DGKH: variants seen among roughly 807,000 people sequenced by gnomAD.
DGKH encodes diacylglycerol kinase eta, also known as DAG kinase eta.
A neutral mutation model predicts 159.3 loss-of-function variants in DGKH; 90 were observed. That is an observed-to-expected ratio of 0.57 (90% CI 0.48 to 0.67). The LOEUF (loss-of-function observed/expected upper bound fraction) is 0.67, where lower values mean the gene tolerates loss of function less well. Among genes scored for constraint, DGKH ranks in the 30% least tolerant of loss-of-function variants. The probability of loss-of-function intolerance (pLI) is 0.00; values close to 1 mark genes in which losing one functional copy is unlikely to be tolerated. For synonymous variants in DGKH, 536 were observed against 553.8 expected (o/e 0.97, Z 0.45); for missense variants, 1,181 against 1,506.1 (o/e 0.78, Z 3.57).
chr13:42,041,482 T>A (rs903351671), intron 1 of DGKH, among the ~76,000 whole-genome samples: 1 of 152,214 alleles, frequency 6.6e-6, no homozygotes, highest in African/African-American at 2.4e-5. Context: ...CTGACTTCGC[T>A]TTCGCCTGGG....
chr13:42,072,550 A>G (rs1282032556), intron 1 of DGKH, among the ~76,000 whole-genome samples: 1 of 152,192 alleles, frequency 6.6e-6, no homozygotes, highest in Non-Finnish European at 1.5e-5. Context: ...CAAGAAAAAA[A>G]ATGTTTACCT....
intron 18 of DGKH, among the ~76,000 whole-genome samples, 162 bp from the exon 19 acceptor site, chr13:42,199,404 G>A (rs1415914772): frequency 1.3e-5 from 2 of 152,094 alleles, no homozygotes. Context: ...CATGTCCTGT[G>A]GTTGTACACA....
chr13:42,129,584 T>C lies in DGKH; in HGVS notation c.336T>C (p.Asp112=), dbSNP rs1426531933. Residue 112 remains aspartate (D), a synonymous_variant, in exon 3 of 30, where the codon GAT becomes GAC. Coordinates refer to ENST00000337343, the MANE Select transcript of DGKH (RefSeq NM_178009.5). ...TATTTGATGAAGTTGACCTCTCAGA[T>C]GCTAGTGTAGCTGAAGCAAGCACGA... ...SLIFDEVDLS[D]ASVAEASTKN... 1.2e-6 allele frequency: 2 copies of C among 1,612,986 alleles called. No individual in the cohort carries two copies. The highest frequency in any genetic ancestry group is 2.7e-5 in the African/African-American group (2 of 74,920).
At chr13:42,255,068 GC>G (rs1958648221) in intron 30 of DGKH, among the ~76,000 whole-genome samples, 1 of 151,008 alleles carries the variant, frequency 6.6e-6, no homozygotes, top group African/African-American at 2.4e-5. Context: ...GTTTCTTTTA[GC>G]TTTTTTACTG....
intron 1 of DGKH, among the ~76,000 whole-genome samples, chr13:42,078,778 T>G (rs899536535): frequency 6.6e-6 from 1 of 152,148 alleles, no homozygotes; most frequent in Non-Finnish European, 1.5e-5. Context: ...TATAGACAGA[T>G]AGACAAAAAT....
intron 3 of DGKH, chr13:42,140,904 T>C (rs188028288): frequency 6.6e-6 from 1 of 151,800 alleles, no homozygotes; most frequent in African/African-American, 2.4e-5. Flanking sequence ...AAAAAAATTT[T>C]ATATTTTTAT....
chr13:42,135,556 G>A lies in DGKH; in HGVS notation c.384+5924G>A, dbSNP rs985307338. ...AAATAATAATTTATTTGTAGTTTAAGTTCTACCATGGCATTTTCTATGATT... is the reference window on the plus strand; with the variant it reads ...AAATAATAATTTATTTGTAGTTTAAATTCTACCATGGCATTTTCTATGATT... On this transcript the variant is annotated intron_variant, in intron 3 of 29. Coordinates refer to ENST00000337343, the MANE Select transcript of DGKH (RefSeq NM_178009.5). Among the ~76,000 whole-genome samples, 3 of 147,948 alleles carry A rather than the reference G, an allele frequency of 2.0e-5. No homozygotes were observed. The South Asian group carries it at 6.5e-4, about 32-fold the overall frequency.
At chr13:42,132,206 C>T (rs1039276487) in intron 3 of DGKH, among the ~76,000 whole-genome samples, 3 of 152,150 alleles carry the variant, frequency 2.0e-5, no homozygotes, top group African/African-American at 7.2e-5. Context: ...TCGATATATG[C>T]AATGTACAGT....
intron 7 of DGKH, among the ~76,000 whole-genome samples, chr13:42,162,900 T>C (rs960841433): frequency 2.0e-5 from 3 of 151,822 alleles, no homozygotes; most frequent in African/African-American, 7.3e-5. Flanking sequence ...TTAGGGTACA[T>C]GTGCACAATG....
intron 27 of DGKH, 73 bp from the exon 28 acceptor site, chr13:42,219,613 A>T: frequency 1.5e-6 from 2 of 1,372,758 alleles, no homozygotes; most frequent in Non-Finnish European, 2.0e-6. Context: ...TTCCTGTGTT[A>T]TCCCTATTAT....
At chr13:42,101,125 A>G (rs1954644559) in intron 1 of DGKH, among the ~76,000 whole-genome samples, 1 of 152,036 alleles carries the variant, frequency 6.6e-6, no homozygotes, top group African/African-American at 2.4e-5. Context: ...CATTCTCTTC[A>G]TTCCTGTCTC....
chr13:42,097,670 T>G (rs1023338649), intron 1 of DGKH, among the ~76,000 whole-genome samples: 1 of 152,200 alleles, frequency 6.6e-6, no homozygotes, highest in Non-Finnish European at 1.5e-5. Flanking sequence ...CAGTTATTTT[T>G]GGGTCTTCTA....
intron 13 of DGKH, among the ~76,000 whole-genome samples, chr13:42,184,091 A>G (rs1956844573): frequency 1.3e-5 from 2 of 152,238 alleles, no homozygotes; most frequent in African/African-American, 2.4e-5. Flanking sequence ...TTAATTGGTA[A>G]AGTGAGGTAG....
At chr13:42,117,231 T>C (rs1223647458) in intron 1 of DGKH, among the ~76,000 whole-genome samples, 1 of 152,260 alleles carries the variant, frequency 6.6e-6, no homozygotes, top group Non-Finnish European at 1.5e-5. Flanking sequence ...TTACTAACTT[T>C]GTTATTTTGG....
chr13:42,209,007 A>G lies in DGKH; in HGVS notation c.2650A>G (p.Ile884Val). Residue 884 changes from isoleucine (I) to valine (V), a missense_variant, in exon 22 of 30, where the codon ATA (isoleucine) becomes GTA (valine). Physicochemically the swap from Ile to Val is conservative, Grantham distance 29. Transcript: ENST00000337343. ...FDDKILEVVAIFDSMQMAVSR... is the reference protein window; with the variant it reads ...FDDKILEVVAVFDSMQMAVSR... ...TGACAAGATCCTGGAAGTTGTAGCA[A>G]TATTTGATAGCATGCAAATGGCAGT... is the stretch of plus-strand genomic sequence containing the variant. 1.9e-6 allele frequency: 3 copies of G among 1,613,232 alleles called. No homozygotes were observed. The highest frequency in any genetic ancestry group is 2.5e-6 in the Non-Finnish European group (3 of 1,179,560).
upstream of DGKH, chr13:42,043,963 T>C (rs1032382187): frequency 2.0e-5 from 3 of 151,890 alleles, no homozygotes; most frequent in African/African-American, 7.3e-5. Context: ...GCCTCCCGAG[T>C]AGCTGGGACC....
At position 42,166,515 on chromosome 13, in the gene DGKH, G is replaced by A; in HGVS notation, c.959G>A (p.Gly320Asp). ...ATCTTGTGTTGTGTTTTTTTCACAG[G>A]TTTCTGTAGAGCAACATTTTCGTTC... ...PIALNSTDSD[G>D]FCRATFSFCV... The change falls in exon 9 of 30, where the codon GGT becomes GAT. Residue 320 changes from glycine (G) to aspartate (D), a missense_variant and splice_region_variant. By Grantham distance (94) the Gly-to-Asp change is moderately conservative (BLOSUM62 -1). This residue lies in a region of DGKH where 369 missense variants were observed against 519.4 expected (regional missense o/e 0.71). Transcript: ENST00000337343. 6.6e-7 allele frequency: 1 copy of A among 1,519,908 alleles called. No homozygotes were observed. The highest frequency in any genetic ancestry group is 8.8e-7 in the Non-Finnish European group (1 of 1,131,836). 94.2% of individuals were successfully genotyped at this position (1,519,908 alleles called of 1,614,324 possible). A position where few individuals can be genotyped will look rare whatever the true frequency, so the allele number is the denominator to read the frequency against.
At chr13:42,185,935 A>G (rs1956909294) in intron 13 of DGKH, among the ~76,000 whole-genome samples, 1 of 152,078 alleles carries the variant, frequency 6.6e-6, no homozygotes, top group African/African-American at 2.4e-5. Flanking sequence ...TGTTAGGAGG[A>G]ATACAATTTC....
intron 1 of DGKH, among the ~76,000 whole-genome samples, chr13:42,051,883 T>C (rs1315299641): frequency 1.3e-5 from 2 of 152,064 alleles, no homozygotes; most frequent in African/African-American, 4.8e-5. Context: ...CAGGCTGGTC[T>C]CGAACTCCCG....
Sources: allele counts gnomAD v4.1 joint callset (sites outside exome capture counted in the v4.1 genomes callset), GRCh38; gene constraint gnomAD v4.1.1; regional missense constraint gnomAD v4.1.1; transcripts MANE v1.5; gene names NCBI Gene and HGNC (gene_info 2026-07-23, HGNC 2026-07-21).